Variants in CACNB2 observed in about 807,000 individuals in gnomAD.
CACNB2 encodes the protein voltage-dependent L-type calcium channel subunit beta-2.
Under a neutral mutation model 73.3 loss-of-function variants are expected in CACNB2, and 42 were observed. That is an observed-to-expected ratio of 0.57 (90% CI 0.45 to 0.74). The LOEUF (loss-of-function observed/expected upper bound fraction) is 0.74, where lower values mean the gene tolerates loss of function less well. Ranked by LOEUF, CACNB2 falls within the 30% of genes least tolerant of loss-of-function variation. The pLI, the probability that CACNB2 is intolerant of heterozygous loss-of-function variation, is 0.00. For synonymous variants in CACNB2, 348 were observed against 310.3 expected, an observed-to-expected ratio of 1.12 and a Z score of -1.28; for missense variants, 940 against 853.0, an observed-to-expected ratio of 1.10 and a Z score of -1.27.
intron 2 of CACNB2, among the ~76,000 whole-genome samples, chr10:18,308,203 A>G (rs1361982977): frequency 6.6e-6 from 1 of 151,960 alleles, no homozygotes; most frequent in Non-Finnish European, 1.5e-5. Context: ...CATGTTGGCC[A>G]GGCTAGTCTC....
At chr10:18,300,507 G>T (rs1303300051) in intron 2 of CACNB2, among the ~76,000 whole-genome samples, 1 of 152,218 alleles carries the variant, frequency 6.6e-6, no homozygotes, top group Non-Finnish European at 1.5e-5. Flanking sequence ...AAATACATTT[G>T]TGTTTATGTT....
chr10:18,426,972 T>TTTTTTTTA (rs2045633795), intron 3 of CACNB2, among the ~76,000 whole-genome samples: 1 of 148,506 alleles, frequency 6.7e-6, no homozygotes, highest in African/African-American at 2.5e-5. Flanking sequence ...TTTTTTTTTT[T>TTTTTTTTA]GAGACTGAGT....
At chr10:18,265,134 C>A (rs1375890992) in intron 2 of CACNB2, among the ~76,000 whole-genome samples, 1 of 150,584 alleles carries the variant, frequency 6.6e-6, no homozygotes, top group East Asian at 2.0e-4. Flanking sequence ...TATTTATTGA[C>A]CATTTGGCCA....
chr10:18,518,664 T>C (rs977312754), intron 8 of CACNB2, among the ~76,000 whole-genome samples: 2 of 152,208 alleles, frequency 1.3e-5, no homozygotes, highest in African/African-American at 4.8e-5. Context: ...GTCCAGGAAA[T>C]AGTGTCAAAT....
chr10:18,267,969 T>TATTAC, intron 2 of CACNB2, among the ~76,000 whole-genome samples: 1 of 152,258 alleles, frequency 6.6e-6, no homozygotes, highest in East Asian at 1.9e-4. Flanking sequence ...AGTCTTACTC[T>TATTAC]TAAGTTTTCT....
At chr10:18,174,623 C>T (rs1255854495) in intron 2 of CACNB2, among the ~76,000 whole-genome samples, 1 of 152,048 alleles carries the variant, frequency 6.6e-6, no homozygotes, top group South Asian at 2.1e-4. Flanking sequence ...CTGCTGGTCT[C>T]GAACTCCTGA....
intron 3 of CACNB2, among the ~76,000 whole-genome samples, chr10:18,479,682 C>T (rs1007342869): frequency 2.3e-5 from 3 of 130,820 alleles, no homozygotes; most frequent in South Asian, 3.1e-4. Flanking sequence ...TTTAAAAGTG[C>T]GTGTGTCTCT....
At chr10:18,148,094 T>TA (rs201324997) in intron 1 of CACNB2, among the ~76,000 whole-genome samples, 1,481 of 136,236 alleles carry the variant, frequency 0.011, 29 homozygotes, top group African/African-American at 0.037. Context: ...CTACAGTTTT[T>TA]TAAAAAAAAA....
At chr10:18,494,506 C>T (rs1412192037) in intron 3 of CACNB2, among the ~76,000 whole-genome samples, 2 of 151,822 alleles carry the variant, frequency 1.3e-5, no homozygotes, top group Non-Finnish European at 2.9e-5. Flanking sequence ...GTGGCGGGCA[C>T]CTGTAGTCCC....
At chr10:18,535,352 C>G (rs536344876) in intron 11 of CACNB2, among the ~76,000 whole-genome samples, 1 of 152,116 alleles carries the variant, frequency 6.6e-6, no homozygotes, top group East Asian at 1.9e-4. Flanking sequence ...ATTTTCTTCA[C>G]GTATTTCAAC....
In CACNB2 at chr10:18,140,701, G is replaced by C. The variant is rs189082354; in HGVS notation, c.-36G>C. On this transcript the variant is annotated 5_prime_UTR_variant, in exon 1 of 14. Transcript: ENST00000324631. ...CGAGGAGGAGGGGACCCGCCGCCGG[G>C]GGCTGGCTGCTTCGCTCCGAGCCGA... 6.4e-7 allele frequency: 1 copy of C among 1,568,196 alleles called. No homozygotes were observed. The highest frequency in any genetic ancestry group is 1.2e-5 in the South Asian group (1 of 86,308).
At chr10:18,224,778 C>T (rs1032119540) in intron 2 of CACNB2, among the ~76,000 whole-genome samples, 11 of 152,168 alleles carry the variant, frequency 7.2e-5, no homozygotes, top group African/African-American at 1.2e-4. Flanking sequence ...CGGGCTTTTA[C>T]GGCCTGCCGA....
rs1286887514 is a variant in CACNB2, at chr10:18,539,768, G to C, written c.*44G>C. The C allele has an allele frequency of 1.3e-6, 2 of 1,519,904 alleles. No individual in the cohort carries two copies. The highest frequency in any genetic ancestry group is 4.1e-5 in the Admixed American group (2 of 48,266). The allele number at this position is 1,519,904 out of a possible 1,614,324, so 94.2% of individuals were successfully genotyped here. A position where few individuals can be genotyped will look rare whatever the true frequency, so the allele number is the denominator to read the frequency against. On this transcript the variant is annotated 3_prime_UTR_variant, in exon 14 of 14. Transcript: ENST00000324631. ...TTTTTTTTTTTTTTTTTGAAGTCTT[G>C]TATAACTAACAGCATCCCCAAAACA...
Position 18,500,934 on chromosome 10 carries a change from G to A in CACNB2, c.579G>A (p.Gly193=), listed in dbSNP as rs780755312. Residue 193 remains glycine (G), a synonymous_variant, in exon 5 of 14, where the codon GGG becomes GGA. Coordinates refer to ENST00000324631, the MANE Select transcript of CACNB2 (RefSeq NM_201596.3). The part of the protein sequence containing the change: ...RLQHEQRAKQ[G]KFYSSKSGGN... Reference sequence around the variant, plus strand: ...AGCATGAACAGAGAGCCAAGCAAGGGAAATTCTACTCCAGGTATGAGACAG... The same window carrying A: ...AGCATGAACAGAGAGCCAAGCAAGGAAAATTCTACTCCAGGTATGAGACAG... The A allele has an allele frequency of 1.2e-6, 2 of 1,614,026 alleles. No individual in the cohort carries two copies. The highest frequency in any genetic ancestry group is 1.7e-6 in the Non-Finnish European group (2 of 1,179,968).
Position 18,220,257 on chromosome 10 carries a change from A to AAT in CACNB2, c.213+69282_213+69283insAT, listed in dbSNP as rs1451419628. Reference sequence around the variant, plus strand: ...TAGAGAGAGAGAGAGAGAGAGAGAGAGAGAGAGAGAGAGAGAGAAAGAGAG... The same window carrying AAT: ...TAGAGAGAGAGAGAGAGAGAGAGAGAATGAGAGAGAGAGAGAGAGAAAGAGAG... On this transcript the variant is annotated intron_variant, in intron 2 of 13. Transcript: ENST00000324631. Among the ~76,000 whole-genome samples the AAT allele has an allele frequency of 4.0e-3, 499 of 124,606 alleles. 20 individuals are homozygous for AAT. Among genetic ancestry groups the AAT allele is most frequent in the African/African-American group, 0.01 (308 of 30,246 alleles). 81.7% of individuals were successfully genotyped at this position (124,606 alleles called of 152,430 possible).
At chr10:18,216,459 A>G (rs779904376) in intron 2 of CACNB2, among the ~76,000 whole-genome samples, 34 of 152,204 alleles carry the variant, frequency 2.2e-4, no homozygotes, top group Admixed American at 1.7e-3. Context: ...CTACATGGTG[A>G]TTATTATGAG....
intron 3 of CACNB2, among the ~76,000 whole-genome samples, chr10:18,447,492 A>G (rs78540941): frequency 6.6e-6 from 1 of 152,206 alleles, no homozygotes; most frequent in Non-Finnish European, 1.5e-5. Flanking sequence ...AAAGGCTAAG[A>G]AACAGTGGTC....
At chr10:18,356,665 C>G (rs570697150) in intron 2 of CACNB2, among the ~76,000 whole-genome samples, 56 of 151,946 alleles carry the variant, frequency 3.7e-4, no homozygotes, top group African/African-American at 1.3e-3. Flanking sequence ...GAGTCTTACT[C>G]TATTGCCCAA....
At chr10:18,221,553 C>T (rs1344183079) in intron 2 of CACNB2, among the ~76,000 whole-genome samples, 1 of 152,128 alleles carries the variant, frequency 6.6e-6, no homozygotes, top group Non-Finnish European at 1.5e-5. Flanking sequence ...GTGCCTCTTG[C>T]TTGTAGTCCC....
Sources: gnomAD v4.1 joint callset for allele counts (sites outside exome capture counted in the v4.1 genomes callset) on GRCh38, gnomAD v4.1.1 for gene constraint, MANE v1.5 for transcripts, NCBI Gene and HGNC (gene_info 2026-07-23, HGNC 2026-07-21) for gene names.